Variants in ANKS1A observed in about 807,000 individuals in gnomAD.
The protein encoded by ANKS1A is ankyrin repeat and sterile alpha motif domain containing 1A, also known as ankyrin repeat and SAM domain-containing protein 1A.
ANKS1A carries 55 observed loss-of-function variants against 120.3 expected under a neutral mutation model. The observed-to-expected ratio is 0.46, with a 90% CI of 0.37 to 0.57. The LOEUF (loss-of-function observed/expected upper bound fraction) is 0.57, where lower values mean the gene tolerates loss of function less well. ANKS1A is among the 20% of genes least tolerant of loss of function. The pLI is 0.00. For synonymous variants in ANKS1A, 590 were observed against 604.7 expected (o/e 0.98, Z 0.36); for missense variants, 1,123 against 1,480.3 (o/e 0.76, Z 3.96).
chr6:34,983,239 G>A (rs1235975006), intron 6 of ANKS1A, 25 bp downstream of exon 6: 1 of 1,611,836 alleles, frequency 6.2e-7, no homozygotes, highest in Non-Finnish European at 8.5e-7. Context: ...CCCTGTCTGG[G>A]TGACCAGGGG....
At chr6:34,942,599 G>C (rs1469346836) in intron 1 of ANKS1A, among the ~76,000 whole-genome samples, 2 of 152,226 alleles carry the variant, frequency 1.3e-5, no homozygotes, top group African/African-American at 4.8e-5. Context: ...AGGTCTTGCA[G>C]ATAGGGAGTG....
intron 6 of ANKS1A, 28 bp downstream of exon 6, chr6:34,983,242 A>G: frequency 6.2e-7 from 1 of 1,611,062 alleles, no homozygotes. Context: ...TGTCTGGGTG[A>G]CCAGGGGACA....
intron 10 of ANKS1A, among the ~76,000 whole-genome samples, chr6:35,006,480 C>T (rs994688746): frequency 1.3e-5 from 2 of 151,950 alleles, no homozygotes; most frequent in South Asian, 2.1e-4. Context: ...CTCGGCCAGG[C>T]GTGGTGGCTC....
chr6:34,983,706 A>G (rs1772034559), intron 7 of ANKS1A, among the ~76,000 whole-genome samples: 1 of 152,180 alleles, frequency 6.6e-6, no homozygotes, highest in Admixed American at 6.5e-5. Flanking sequence ...GATCATCTCA[A>G]GATGAATTCA....
chr6:34,917,975 C>T (rs180938411), intron 1 of ANKS1A, among the ~76,000 whole-genome samples: 4 of 152,330 alleles, frequency 2.6e-5, no homozygotes, highest in Non-Finnish European at 4.4e-5. Context: ...CTCAACCCCC[C>T]TCACTTTTTC....
chr6:35,024,208 C>T (rs1020510735), intron 11 of ANKS1A, among the ~76,000 whole-genome samples: 2 of 152,210 alleles, frequency 1.3e-5, no homozygotes, highest in African/African-American at 4.8e-5. Flanking sequence ...TCTTTATCCT[C>T]TGTCTCTTGC....
chr6:34,936,030 C>T (rs1361798245), intron 1 of ANKS1A, among the ~76,000 whole-genome samples: 1 of 141,734 alleles, frequency 7.1e-6, no homozygotes, highest in Non-Finnish European at 1.5e-5. Context: ...CCACTGCACT[C>T]CAGCCTGGGC....
At chr6:35,081,186 C>T in intron 17 of ANKS1A, 28 bp downstream of exon 17, 1 of 1,584,448 alleles carries the variant, frequency 6.3e-7, no homozygotes, top group Non-Finnish European at 8.6e-7. Context: ...GAGGTGCAGC[C>T]AGGCTCTACC....
At chr6:34,936,026 C>T (rs1351943535) in intron 1 of ANKS1A, among the ~76,000 whole-genome samples, 2 of 136,412 alleles carry the variant, frequency 1.5e-5, no homozygotes, top group African/African-American at 2.8e-5. Context: ...CCCGCCACTG[C>T]ACTCCAGCCT....
intron 1 of ANKS1A, among the ~76,000 whole-genome samples, chr6:34,935,612 G>A (rs996564461): frequency 1.0e-4 from 15 of 146,188 alleles, no homozygotes; most frequent in African/African-American, 3.8e-4. Flanking sequence ...AATGCTGAAG[G>A]CATAACATAA....
intron 11 of ANKS1A, among the ~76,000 whole-genome samples, chr6:35,025,002 C>T (rs973821808): frequency 2.0e-5 from 3 of 152,130 alleles, no homozygotes; most frequent in African/African-American, 7.2e-5. Flanking sequence ...ATGTGACACT[C>T]CTACCTCTGG....
At chr6:34,925,777 C>T (rs558932429) in intron 1 of ANKS1A, among the ~76,000 whole-genome samples, 1 of 152,246 alleles carries the variant, frequency 6.6e-6, no homozygotes, top group Non-Finnish European at 1.5e-5. Flanking sequence ...GGCACCTTCC[C>T]CATCCCCTTC....
In ANKS1A at chr6:34,910,887, A is replaced by G. The variant is rs148459714; in HGVS notation, c.197+21288A>G. Among the ~76,000 whole-genome samples, 19 of 152,096 alleles carry G rather than the reference A, an allele frequency of 1.2e-4. No homozygotes were observed. In the East Asian group the frequency reaches 3.7e-3, roughly 29 times the overall value. On this transcript the variant is annotated intron_variant, in intron 1 of 23. Coordinates refer to ENST00000360359, the MANE Select transcript of ANKS1A (RefSeq NM_015245.3). ...AAAAAAAAAAAAAAGAAAGAAAGAA[A>G]AAGAAAAAAGAATGAATGAATGAAT...
intron 10 of ANKS1A, 132 bp from the exon 11 acceptor site, chr6:35,017,341 C>A: frequency 1.1e-6 from 1 of 906,196 alleles, no homozygotes; most frequent in Non-Finnish European, 1.6e-6. Context: ...TCTCCCCCTC[C>A]CCAGCCTATC....
chr6:34,942,231 C>G (rs1050322178), intron 1 of ANKS1A, among the ~76,000 whole-genome samples: 2 of 152,202 alleles, frequency 1.3e-5, no homozygotes, highest in Non-Finnish European at 2.9e-5. Context: ...GCCATCTCTT[C>G]TTTCTTTCGA....
rs1179553944 is a variant in ANKS1A, at chr6:35,081,131, C to A, written c.2682C>A (p.Pro894=). ...RHDSLHDPAA[P]SRAERFRIQE... ...ACAGTCTCCATGACCCTGCGGCACCCTCCCGAGCGGAGCGCTTCAGGATCC... is the reference window on the plus strand; with the variant it reads ...ACAGTCTCCATGACCCTGCGGCACCATCCCGAGCGGAGCGCTTCAGGATCC... The change falls in exon 17 of 24, where the codon CCC becomes CCA. Residue 894 remains proline (P), a synonymous_variant. Transcript: ENST00000360359. 3.1e-6 allele frequency: 5 copies of A among 1,612,680 alleles called. No individual in the cohort carries two copies. Among genetic ancestry groups the A allele is most frequent in the Non-Finnish European group, 4.2e-6 (5 of 1,179,692 alleles).
intron 11 of ANKS1A, among the ~76,000 whole-genome samples, chr6:35,041,484 T>C (rs535599760): frequency 1.3e-4 from 20 of 152,280 alleles, no homozygotes; most frequent in African/African-American, 4.8e-4. Context: ...TTGATGTCTT[T>C]CCTGAGAAAA....
chr6:34,969,750 A>G (rs1771086564), intron 2 of ANKS1A, among the ~76,000 whole-genome samples: 2 of 152,250 alleles, frequency 1.3e-5, no homozygotes, highest in African/African-American at 2.4e-5. Context: ...AAGTAGTAGA[A>G]AACAGACGGA....
At chr6:34,946,921 G>A (rs1769827217) in intron 1 of ANKS1A, among the ~76,000 whole-genome samples, 1 of 152,192 alleles carries the variant, frequency 6.6e-6, no homozygotes, top group Non-Finnish European at 1.5e-5. Flanking sequence ...GAATAGGAAA[G>A]ACTAGTATAG....
Sources: allele counts gnomAD v4.1 joint callset (sites outside exome capture counted in the v4.1 genomes callset), GRCh38; gene constraint gnomAD v4.1.1; transcripts MANE v1.5; gene names NCBI Gene and HGNC (gene_info 2026-07-23, HGNC 2026-07-21).